COL25A1: variants seen among roughly 807,000 people sequenced by gnomAD.
COL25A1 encodes the protein collagen alpha-1(XXV) chain.
A neutral mutation model predicts 128.4 loss-of-function variants in COL25A1; 103 were observed. The observed-to-expected ratio is 0.80, with a 90% CI of 0.68 to 0.94. COL25A1 has a LOEUF of 0.94. COL25A1 is among the 40% of genes least tolerant of loss of function. The pLI is 0.00. For synonymous variants in COL25A1, 279 were observed against 277.2 expected (o/e 1.01, Z -0.06); for missense variants, 745 against 840.0 (o/e 0.89, Z 1.40).
At chr4:108,968,038 T>C (rs555731268) in intron 8 of COL25A1, among the ~76,000 whole-genome samples, 24 of 152,286 alleles carry the variant, frequency 1.6e-4, no homozygotes, top group African/African-American at 5.5e-4. Flanking sequence ...TTTGGAAGAA[T>C]GAATTAAAGA....
At position 108,808,869 on chromosome 4, in the gene COL25A1, A is replaced by T. The variant is rs747928586; in HGVS notation, c.*5058T>A. On this transcript the variant is annotated 3_prime_UTR_variant, in exon 38 of 38. Transcript: ENST00000399132. ...AATTCTGAAGATCAACTTCTCACAAACTAGGAACCCTGAAAACAAATTTAA... is the reference window on the plus strand; with the variant it reads ...AATTCTGAAGATCAACTTCTCACAATCTAGGAACCCTGAAAACAAATTTAA... 9 of 152,208 alleles carry T rather than the reference A, an allele frequency of 5.9e-5. No individual in the cohort carries two copies. Among genetic ancestry groups the T allele is most frequent in the African/African-American group, 1.4e-4 (6 of 41,464 alleles). The allele number at this position is 152,208 out of a possible 1,614,324, so 9.4% of individuals were successfully genotyped here. A position where few individuals can be genotyped will look rare whatever the true frequency, so the allele number is the denominator to read the frequency against.
At chr4:108,965,006 A>G (rs1751134752) in intron 8 of COL25A1, among the ~76,000 whole-genome samples, 1 of 152,238 alleles carries the variant, frequency 6.6e-6, no homozygotes, top group Non-Finnish European at 1.5e-5. Context: ...GGCAAGGGTT[A>G]AACAAATAAG....
At chr4:109,247,420 A>C (rs1780344689) in intron 3 of COL25A1, among the ~76,000 whole-genome samples, 1 of 152,200 alleles carries the variant, frequency 6.6e-6, no homozygotes, top group African/African-American at 2.4e-5. Context: ...ATGTCAGGTA[A>C]GGAAAAGTGA....
intron 8 of COL25A1, among the ~76,000 whole-genome samples, chr4:108,954,642 T>C (rs6845604): frequency 0.039 from 5,861 of 152,082 alleles, 342 homozygotes; most frequent in African/African-American, 0.13. Context: ...ATTCTTTCTT[T>C]ATTTAAATGT....
At chr4:109,129,884 G>A (rs1038305534) in intron 3 of COL25A1, among the ~76,000 whole-genome samples, 8 of 152,010 alleles carry the variant, frequency 5.3e-5, no homozygotes, top group African/African-American at 1.9e-4. Flanking sequence ...AAAGAATTGG[G>A]AGATATACCT....
chr4:109,296,246 C>A (rs1384607814), intron 3 of COL25A1, among the ~76,000 whole-genome samples: 1 of 151,978 alleles, frequency 6.6e-6, no homozygotes, highest in African/African-American at 2.4e-5. Flanking sequence ...TTTTTATTTT[C>A]ATCGGAAACC....
At chr4:108,935,955 G>A (rs1747349516) in intron 11 of COL25A1, among the ~76,000 whole-genome samples, 1 of 152,106 alleles carries the variant, frequency 6.6e-6, no homozygotes, top group African/African-American at 2.4e-5. Flanking sequence ...AATCTGAGTA[G>A]TCTGTGCACA....
intron 3 of COL25A1, among the ~76,000 whole-genome samples, chr4:109,166,353 T>C (rs186716431): frequency 3.9e-5 from 6 of 152,362 alleles, no homozygotes; most frequent in African/African-American, 1.4e-4. Context: ...GGGATGAAGC[T>C]TCTTTCTGCC....
In COL25A1 at chr4:108,844,713, C is replaced by T. The variant is rs545381642; in HGVS notation, c.1579-144G>A. On this transcript the variant is annotated intron_variant, in intron 29 of 37. Coordinates refer to ENST00000399132, the MANE Select transcript of COL25A1 (RefSeq NM_198721.4). The stretch of plus-strand genomic sequence containing the variant: ...TAGAATAAGTGATGTGTTTGATTCT[C>T]TAGATGTAGAAATTCCCTTATGAGA... The T allele has an allele frequency of 1.9e-5, 23 of 1,205,796 alleles. No individual in the cohort carries two copies. In the African/African-American group the frequency reaches 3.0e-4, roughly 16 times the overall value. The allele number at this position is 1,205,796 out of a possible 1,614,324, so 74.7% of individuals were successfully genotyped here. A position where few individuals can be genotyped will look rare whatever the true frequency, so the allele number is the denominator to read the frequency against.
chr4:108,832,269 A>C, intron 32 of COL25A1, 111 bp downstream of exon 32: 1 of 714,758 alleles, frequency 1.4e-6, no homozygotes, highest in African/African-American at 1.8e-5. Context: ...TTTTTATTTA[A>C]TATTAGATAG....
intron 11 of COL25A1, among the ~76,000 whole-genome samples, chr4:108,933,639 G>A (rs1320130059): frequency 6.6e-6 from 1 of 152,080 alleles, no homozygotes; most frequent in Admixed American, 6.6e-5. Flanking sequence ...TTTAATAGTA[G>A]TACTTCTCAA....
chr4:109,105,872 C>T (rs1161606283), intron 3 of COL25A1, among the ~76,000 whole-genome samples: 1 of 152,132 alleles, frequency 6.6e-6, no homozygotes, highest in African/African-American at 2.4e-5. Flanking sequence ...TGAAACCGAT[C>T]AATTTTATTT....
chr4:109,106,760 A>T (rs1033262598), intron 3 of COL25A1, among the ~76,000 whole-genome samples: 6 of 150,110 alleles, frequency 4.0e-5, no homozygotes, highest in Non-Finnish European at 7.4e-5. Context: ...TATCCATTTT[A>T]AAAAAATTTT....
At chr4:108,861,072 A>G in intron 22 of COL25A1, 101 bp from the exon 23 acceptor site, 1 of 966,882 alleles carries the variant, frequency 1.0e-6, no homozygotes, top group Non-Finnish European at 1.6e-6. Context: ...CTTTAATATG[A>G]ACTTCTGAAG....
chr4:109,057,127 C>G (rs911414596), intron 3 of COL25A1, among the ~76,000 whole-genome samples: 1 of 152,004 alleles, frequency 6.6e-6, no homozygotes, highest in Admixed American at 6.6e-5. Context: ...CCCAAAGAGT[C>G]AGAATTAAAG....
chr4:109,082,215 A>G (rs1483668103), intron 3 of COL25A1, among the ~76,000 whole-genome samples: 1 of 152,184 alleles, frequency 6.6e-6, no homozygotes, highest in Non-Finnish European at 1.5e-5. Flanking sequence ...CAGCTGATGG[A>G]CATCTGAGCT....
intron 3 of COL25A1, among the ~76,000 whole-genome samples, chr4:109,274,995 C>A (rs535904260): frequency 1.1e-3 from 173 of 152,230 alleles, no homozygotes; most frequent in African/African-American, 4.0e-3. Context: ...ATTTAAAATA[C>A]AAAATTAGTT....
chr4:109,276,427 A>G (rs1722853059), intron 3 of COL25A1, among the ~76,000 whole-genome samples: 1 of 151,972 alleles, frequency 6.6e-6, no homozygotes, highest in Non-Finnish European at 1.5e-5. Context: ...AAAAAAAAAA[A>G]AATTGTCTTA....
intron 6 of COL25A1, among the ~76,000 whole-genome samples, chr4:108,993,595 C>T (rs930516672): frequency 6.6e-6 from 1 of 152,182 alleles, no homozygotes; most frequent in Non-Finnish European, 1.5e-5. Flanking sequence ...TGCGGTGACT[C>T]ACGCCTGTAA....
Sources: allele counts gnomAD v4.1 joint callset (sites outside exome capture counted in the v4.1 genomes callset), GRCh38; gene constraint gnomAD v4.1.1; transcripts MANE v1.5; gene names NCBI Gene and HGNC (gene_info 2026-07-23, HGNC 2026-07-21).